MAGI2: variants seen among roughly 807,000 people sequenced by gnomAD.
The protein encoded by MAGI2 is membrane-associated guanylate kinase, WW and PDZ domain-containing protein 2.
In MAGI2, 35 loss-of-function variants were observed where a neutral mutation model predicts 133.3. The observed-to-expected ratio is 0.26, with a 90% CI of 0.20 to 0.35. The LOEUF (loss-of-function observed/expected upper bound fraction) is 0.35, where lower values mean the gene tolerates loss of function less well. MAGI2 is among the 10% of genes least tolerant of loss of function. The pLI, the probability that MAGI2 is intolerant of heterozygous loss-of-function variation, is 1.00. For missense variants in MAGI2, 1,636 were observed against 1,863.4 expected (o/e 0.88, Z 2.25); for synonymous variants, 729 against 710.6 (o/e 1.03, Z -0.41).
chr7:79,338,892 T>C (rs1331785559), intron 1 of MAGI2, among the ~76,000 whole-genome samples: 1 of 152,148 alleles, frequency 6.6e-6, no homozygotes, highest in African/African-American at 2.4e-5. Flanking sequence ...TCCATGATTC[T>C]TGATTCAGCA....
intron 1 of MAGI2, among the ~76,000 whole-genome samples, chr7:79,436,672 T>C (rs1288616196): frequency 1.3e-5 from 2 of 152,130 alleles, no homozygotes; most frequent in Admixed American, 1.3e-4. Flanking sequence ...GAAAGAATGG[T>C]TACTATTAAA....
At chr7:79,366,349 A>G (rs1179966654) in intron 1 of MAGI2, among the ~76,000 whole-genome samples, 2 of 152,194 alleles carry the variant, frequency 1.3e-5, no homozygotes, top group Non-Finnish European at 2.9e-5. Context: ...CATTTTCAAA[A>G]TGGTGGATGG....
intron 1 of MAGI2, among the ~76,000 whole-genome samples, chr7:79,056,948 G>A (rs925269116): frequency 2.0e-5 from 3 of 152,106 alleles, no homozygotes; most frequent in Non-Finnish European, 1.5e-5. Context: ...TTCTTAAGAA[G>A]TGAAACTGTG....
chr7:78,438,642 C>T (rs1322798591), intron 6 of MAGI2, among the ~76,000 whole-genome samples: 3 of 152,120 alleles, frequency 2.0e-5, no homozygotes, highest in Admixed American at 2.0e-4. Context: ...CACTCCAAAC[C>T]TGGGTTTTGT....
At chr7:78,551,298 A>T (rs549058150) in intron 3 of MAGI2, among the ~76,000 whole-genome samples, 1 of 152,124 alleles carries the variant, frequency 6.6e-6, no homozygotes, top group Non-Finnish European at 1.5e-5. Context: ...ACACTCTCAA[A>T]TTTTTTCTGG....
chr7:78,368,725 C>A (rs1793627645), intron 7 of MAGI2, among the ~76,000 whole-genome samples: 2 of 151,632 alleles, frequency 1.3e-5, no homozygotes, highest in African/African-American at 4.8e-5. Context: ...GGAATGAGGT[C>A]CCAAAAAAGA....
At chr7:79,291,182 T>C (rs754104412) in intron 1 of MAGI2, among the ~76,000 whole-genome samples, 1 of 152,156 alleles carries the variant, frequency 6.6e-6, no homozygotes, top group Non-Finnish European at 1.5e-5. Flanking sequence ...TGTGGTCTTT[T>C]GTGTCTTTTT....
At position 78,693,391 on chromosome 7, in the gene MAGI2, T is replaced by C. The variant is rs533624341; in HGVS notation, c.419-66152A>G. 7.9e-5 allele frequency among the ~76,000 whole-genome samples: 12 copies of C among 152,310 alleles called. No homozygotes were observed. The South Asian group carries it at 2.5e-3, about 32-fold the overall frequency. ...TATAGTGTTACTTACAGTATGCTTG[T>C]ATAAAATATTCTTACGATGTGTACA... On this transcript the variant is annotated intron_variant, in intron 2 of 21. Transcript: ENST00000354212.
chr7:79,029,902 C>T (rs181014515), intron 1 of MAGI2, among the ~76,000 whole-genome samples: 20 of 152,222 alleles, frequency 1.3e-4, no homozygotes, highest in Admixed American at 1.2e-3. Context: ...AATTTCTTCA[C>T]CATGCTAGAA....
chr7:79,061,359 A>G (rs1428701142), intron 1 of MAGI2, among the ~76,000 whole-genome samples: 1 of 151,780 alleles, frequency 6.6e-6, no homozygotes, highest in African/African-American at 2.4e-5. Context: ...TCCTGTATTC[A>G]AGCTCAACGA....
At chr7:79,296,783 G>A (rs2129559330) in intron 1 of MAGI2, among the ~76,000 whole-genome samples, 1 of 152,090 alleles carries the variant, frequency 6.6e-6, no homozygotes, top group Non-Finnish European at 1.5e-5. Context: ...AGTTACAGTT[G>A]GATGGAAAGA....
At chr7:78,142,263 A>T (rs1301017789) in intron 16 of MAGI2, among the ~76,000 whole-genome samples, 1 of 152,164 alleles carries the variant, frequency 6.6e-6, no homozygotes, top group Non-Finnish European at 1.5e-5. Context: ...AGACCCTGCA[A>T]ATTATGTAGT....
intron 3 of MAGI2, chr7:78,568,044 A>T (rs891656646): frequency 6.6e-6 from 1 of 152,124 alleles, no homozygotes; most frequent in Non-Finnish European, 1.5e-5. Flanking sequence ...GTTTCTTAAA[A>T]CACTTTCTTC....
intron 6 of MAGI2, among the ~76,000 whole-genome samples, chr7:78,419,986 A>G (rs1253138118): frequency 2.0e-5 from 3 of 152,168 alleles, no homozygotes; most frequent in African/African-American, 7.2e-5. Context: ...CTCACAGGAT[A>G]GTAATGCCAG....
intron 2 of MAGI2, among the ~76,000 whole-genome samples, chr7:78,873,365 C>T (rs1795184218): frequency 6.6e-6 from 1 of 152,056 alleles, no homozygotes; most frequent in Admixed American, 6.6e-5. Flanking sequence ...ACAGCCACTT[C>T]CCATCGCTGG....
At chr7:78,154,946 C>G (rs1354799104) in intron 16 of MAGI2, among the ~76,000 whole-genome samples, 2 of 152,118 alleles carry the variant, frequency 1.3e-5, no homozygotes, top group African/African-American at 4.8e-5. Context: ...GAGTCATAGG[C>G]TACCTGAGTC....
intron 6 of MAGI2, among the ~76,000 whole-genome samples, chr7:78,435,096 G>T (rs1800154524): frequency 6.6e-6 from 1 of 152,106 alleles, no homozygotes; most frequent in African/African-American, 2.4e-5. Context: ...TTGGACAATT[G>T]ATTTAACCTT....
At chr7:78,493,327 A>C (rs1212402982) in intron 5 of MAGI2, among the ~76,000 whole-genome samples, 1 of 152,214 alleles carries the variant, frequency 6.6e-6, no homozygotes, top group Non-Finnish European at 1.5e-5. Context: ...CACATAGAAC[A>C]TGCTTCATTT....
chr7:79,367,858 C>CATATATATAT lies in MAGI2; in HGVS notation c.301+85152_301+85161dup, dbSNP rs367920302. 4.1e-4 allele frequency among the ~76,000 whole-genome samples: 36 copies of CATATATATAT among 87,138 alleles called. 1 individual carries two copies. The highest frequency in any genetic ancestry group is 1.1e-3 in the African/African-American group (23 of 21,566). 57.2% of individuals were successfully genotyped at this position (87,138 alleles called of 152,430 possible). A position where few individuals can be genotyped will look rare whatever the true frequency, so the allele number is the denominator to read the frequency against. ...CATATATATATGCTTATATATGTGA[C>CATATATATAT]ATATATATATATATATATGTCATTG... is the stretch of plus-strand genomic sequence containing the variant. On this transcript the variant is annotated intron_variant, in intron 1 of 21. Transcript: ENST00000354212.
Sources: allele counts gnomAD v4.1 joint callset (sites outside exome capture counted in the v4.1 genomes callset), GRCh38; gene constraint gnomAD v4.1.1; transcripts MANE v1.5; gene names NCBI Gene and HGNC (gene_info 2026-07-23, HGNC 2026-07-21).